The following ZNF423 variants were observed in gnomAD, a reference collection of about 807,000 sequenced individuals.
The protein encoded by ZNF423 is zinc finger protein 423.
In ZNF423, 12 loss-of-function variants were observed where a neutral mutation model predicts 95.8. The observed-to-expected ratio is 0.13, with a 90% CI of 0.08 to 0.20. ZNF423 has a LOEUF of 0.20. Ranked by LOEUF, ZNF423 falls within the 10% of genes least tolerant of loss-of-function variation. ZNF423 has a pLI of 1.00. For missense variants in ZNF423, 1,316 were observed against 1,737.1 expected (o/e 0.76, Z 4.31); for synonymous variants, 749 against 711.9 (o/e 1.05, Z -0.83).
At chr16:49,773,775 CAAG>C (rs1456481818) in intron 2 of ZNF423, among the ~76,000 whole-genome samples, 3 of 152,138 alleles carry the variant, frequency 2.0e-5, no homozygotes, top group African/African-American at 7.2e-5. Flanking sequence ...CTATGAAATA[CAAG>C]AATAATGATA....
In ZNF423 at chr16:49,593,590, C is replaced by T. The variant is rs568276032; in HGVS notation, c.3601+32580G>A. Among the ~76,000 whole-genome samples the T allele has an allele frequency of 9.2e-5, 14 of 152,148 alleles. No individual in the cohort carries two copies. The East Asian group carries it at 2.3e-3, about 25-fold the overall frequency. ...GATTGTAGCACCTCCCACAGGTCAA[C>T]TTCCAAACTCTACCCTGACTCTCTG... On this transcript the variant is annotated intron_variant, in intron 5 of 7. Coordinates refer to ENST00000563137, the MANE Select transcript of ZNF423 (RefSeq NM_001379286.1).
intron 7 of ZNF423, among the ~76,000 whole-genome samples, chr16:49,520,952 G>A (rs1450194758): frequency 6.6e-6 from 1 of 152,210 alleles, no homozygotes; most frequent in Admixed American, 6.5e-5. Context: ...GACTCGTTAA[G>A]GCTGTAATTT....
At chr16:49,830,954 C>G (rs1026028458) in intron 1 of ZNF423, among the ~76,000 whole-genome samples, 1 of 152,108 alleles carries the variant, frequency 6.6e-6, no homozygotes, top group Admixed American at 6.5e-5. Context: ...CCAGTTCCAC[C>G]AAAATTGAAT....
chr16:49,575,261 C>A (rs922431541), intron 5 of ZNF423, among the ~76,000 whole-genome samples: 2 of 152,142 alleles, frequency 1.3e-5, no homozygotes, highest in East Asian at 1.9e-4. Flanking sequence ...TTAAAAAAAA[C>A]TGCTATCACC....
intron 1 of ZNF423, among the ~76,000 whole-genome samples, chr16:49,807,506 T>G (rs2034684152): frequency 6.6e-6 from 1 of 151,996 alleles, no homozygotes; most frequent in Non-Finnish European, 1.5e-5. Flanking sequence ...TTCCAAACAC[T>G]TTTTCATTCC....
intron 5 of ZNF423, among the ~76,000 whole-genome samples, chr16:49,606,519 C>T (rs1446223312): frequency 6.6e-6 from 1 of 152,176 alleles, no homozygotes; most frequent in African/African-American, 2.4e-5. Flanking sequence ...GATGTGGTAG[C>T]CCTGATGGAC....
intron 3 of ZNF423, among the ~76,000 whole-genome samples, chr16:49,702,624 C>A (rs567695257): frequency 6.6e-6 from 1 of 152,318 alleles, no homozygotes; most frequent in East Asian, 1.9e-4. Flanking sequence ...GGGGTCAGAA[C>A]AAGGGGCACG....
At chr16:49,838,404 T>C (rs1567366714) in intron 1 of ZNF423, among the ~76,000 whole-genome samples, 1 of 152,226 alleles carries the variant, frequency 6.6e-6, no homozygotes, top group Non-Finnish European at 1.5e-5. Context: ...GAACCTTGAA[T>C]GAATCAACGA....
At chr16:49,624,423 C>T (rs772753789) in intron 5 of ZNF423, among the ~76,000 whole-genome samples, 13 of 152,088 alleles carry the variant, frequency 8.5e-5, no homozygotes, top group Non-Finnish European at 1.6e-4. Flanking sequence ...GGAGATGCTG[C>T]ATGCCTGTAG....
intron 1 of ZNF423, among the ~76,000 whole-genome samples, chr16:49,842,319 AAG>A (rs2035194972): frequency 2.2e-5 from 1 of 44,818 alleles, no homozygotes; most frequent in Non-Finnish European, 4.5e-5. Context: ...GAGGGAAGGG[AAG>A]GGAAGGGAAG....
At chr16:49,783,645 A>G (rs371452387) in intron 2 of ZNF423, among the ~76,000 whole-genome samples, 1 of 151,328 alleles carries the variant, frequency 6.6e-6, no homozygotes, top group African/African-American at 2.4e-5. Context: ...GGTTAGGGTT[A>G]GGGCTAGTGC....
chr16:49,574,614 C>A (rs1471203300), intron 5 of ZNF423, among the ~76,000 whole-genome samples: 1 of 152,186 alleles, frequency 6.6e-6, no homozygotes, highest in African/African-American at 2.4e-5. Flanking sequence ...ATACCTAAGA[C>A]TGGAAGCCTG....
chr16:49,836,730 G>T (rs1357240222), intron 1 of ZNF423, among the ~76,000 whole-genome samples: 3 of 152,090 alleles, frequency 2.0e-5, no homozygotes, highest in Non-Finnish European at 4.4e-5. Context: ...TACTCCCCAT[G>T]AATGCCCTTA....
intron 3 of ZNF423, among the ~76,000 whole-genome samples, chr16:49,682,889 G>A (rs897384838): frequency 1.6e-4 from 24 of 152,176 alleles, no homozygotes; most frequent in African/African-American, 4.6e-4. Context: ...TCAGGACTTC[G>A]ACGGAGTGGG....
chr16:49,585,460 G>C lies in ZNF423; in HGVS notation c.3601+40710C>G, dbSNP rs1037266536. On this transcript the variant is annotated intron_variant, in intron 5 of 7. Transcript: ENST00000563137. ...AGCCATTGTTACACAGGCCTCGATG[G>C]GGGGATGAGAGTTTGGGAGGTATTT... 3.9e-5 allele frequency among the ~76,000 whole-genome samples: 6 copies of C among 152,162 alleles called. No homozygotes were observed. The East Asian group carries it at 5.8e-4, about 15-fold the overall frequency.
At chr16:49,525,236 A>G (rs1348872758) in intron 6 of ZNF423, 127 bp downstream of exon 6, 13 of 1,398,666 alleles carry the variant, frequency 9.3e-6, no homozygotes, top group South Asian at 1.3e-5. Context: ...GGTATCCCCA[A>G]CGGAGTCCTG....
chr16:49,500,761 A>T (rs1967364031), intron 7 of ZNF423, among the ~76,000 whole-genome samples: 1 of 150,912 alleles, frequency 6.6e-6, no homozygotes, highest in African/African-American at 2.4e-5. Flanking sequence ...AAAAAAAATT[A>T]GGTGGGTGTG....
chr16:49,670,331 A>G (rs1168334560), intron 3 of ZNF423, among the ~76,000 whole-genome samples: 1 of 152,244 alleles, frequency 6.6e-6, no homozygotes, highest in African/African-American at 2.4e-5. Flanking sequence ...AGATGCCCAC[A>G]GATGGAAGCC....
At chr16:49,836,861 T>C (rs2035125661) in intron 1 of ZNF423, among the ~76,000 whole-genome samples, 1 of 152,116 alleles carries the variant, frequency 6.6e-6, no homozygotes, top group Admixed American at 6.5e-5. Context: ...AGGCCCAACC[T>C]TGTCCAACAC....
Sources: allele counts gnomAD v4.1 joint callset (sites outside exome capture counted in the v4.1 genomes callset), GRCh38; gene constraint gnomAD v4.1.1; transcripts MANE v1.5; gene names NCBI Gene and HGNC (gene_info 2026-07-23, HGNC 2026-07-21).